The following CFAP20DC variants were observed in gnomAD, a reference collection of about 807,000 sequenced individuals.
The protein encoded by CFAP20DC is CFAP20 domain containing, also known as protein CFAP20DC.
CFAP20DC carries 84 observed loss-of-function variants against 101.7 expected under a neutral mutation model. The observed-to-expected ratio is 0.83, with a 90% CI of 0.69 to 0.99. The LOEUF (loss-of-function observed/expected upper bound fraction) is 0.99. CFAP20DC is among the 50% of genes least tolerant of loss of function. CFAP20DC has a pLI of 0.00. For synonymous variants in CFAP20DC, 359 were observed against 351.2 expected, an observed-to-expected ratio of 1.02 and a Z score of -0.25; for missense variants, 1,007 against 970.3, an observed-to-expected ratio of 1.04 and a Z score of -0.50.
Position 58,748,504 on chromosome 3 carries a change from G to T in CFAP20DC, c.2332+5265C>A, listed in dbSNP as rs536614614. On this transcript the variant is annotated intron_variant, in intron 16 of 16. Transcript: ENST00000482387. ...TACTAGTGAGGCACTGATTTCCCCC[G>T]TCTGTAATCACTTCCTGCAGAGAAG... Among the ~76,000 whole-genome samples, 6 of 152,170 alleles carry T rather than the reference G, an allele frequency of 3.9e-5. No homozygotes were observed. In the East Asian group the frequency reaches 1.2e-3, roughly 29 times the overall value.
chr3:58,837,436 G>A (rs2076813632), intron 13 of CFAP20DC, among the ~76,000 whole-genome samples: 1 of 152,164 alleles, frequency 6.6e-6, no homozygotes, highest in Admixed American at 6.5e-5. Flanking sequence ...ACCAAATGTG[G>A]GGATAATTAG....
intron 4 of CFAP20DC, among the ~76,000 whole-genome samples, chr3:58,994,199 T>C (rs2093035645): frequency 1.3e-5 from 2 of 152,188 alleles, no homozygotes; most frequent in African/African-American, 2.4e-5. Flanking sequence ...AACACATGTA[T>C]ACCTTGCAAG....
chr3:58,807,590 A>G (rs1002605264), intron 14 of CFAP20DC, among the ~76,000 whole-genome samples: 1 of 152,170 alleles, frequency 6.6e-6, no homozygotes, highest in Admixed American at 6.5e-5. Context: ...CAAAGACCAA[A>G]AGTAGATAAA....
intron 5 of CFAP20DC, among the ~76,000 whole-genome samples, chr3:58,923,291 C>T (rs778147675): frequency 3.3e-5 from 5 of 152,112 alleles, no homozygotes; most frequent in Non-Finnish European, 7.4e-5. Context: ...TTAGATTTAG[C>T]TATATATTTA....
rs528149428 is a variant in CFAP20DC at position 58,799,118 on chromosome 3, T to C, written c.2237+7277A>G. Among the ~76,000 whole-genome samples the C allele has an allele frequency of 1.3e-5, 2 of 152,198 alleles. No individual in the cohort carries two copies. Among genetic ancestry groups the C allele is most frequent in the Non-Finnish European group, 2.9e-5 (2 of 67,996 alleles). ...TGCATATAAATAATGGTTTTTTTTT[T>C]CTATTTGCTTACCCAGATTCTATTA... On this transcript the variant is annotated intron_variant, in intron 15 of 16. Coordinates refer to ENST00000482387, the MANE Select transcript of CFAP20DC (RefSeq NM_001394063.1). The surrounding 1 kb of genome is among the most constrained non-coding windows in gnomAD (Gnocchi z 4.9).
rs147493971 is a variant in CFAP20DC, at chr3:58,974,691, C to T, written c.279-36929G>A. Reference sequence around the variant, plus strand: ...TAGGCTGTACAGGGGATTGGGGCCTCGAATTCTGGGTTAAATGAAGGTTTC... The same window carrying T: ...TAGGCTGTACAGGGGATTGGGGCCTTGAATTCTGGGTTAAATGAAGGTTTC... On this transcript the variant is annotated intron_variant, in intron 4 of 16. Coordinates refer to ENST00000482387, the MANE Select transcript of CFAP20DC (RefSeq NM_001394063.1). 2.6e-4 allele frequency among the ~76,000 whole-genome samples: 40 copies of T among 152,104 alleles called. No individual in the cohort carries two copies. In the East Asian group the frequency reaches 3.3e-3, roughly 12 times the overall value.
intron 13 of CFAP20DC, among the ~76,000 whole-genome samples, chr3:58,847,552 C>T (rs1054255124): frequency 6.6e-6 from 1 of 152,048 alleles, no homozygotes; most frequent in Non-Finnish European, 1.5e-5. Flanking sequence ...AATAGGAACA[C>T]TTTTACACTG....
At chr3:58,744,842 G>A (rs1285744217) in intron 16 of CFAP20DC, among the ~76,000 whole-genome samples, 2 of 152,110 alleles carry the variant, frequency 1.3e-5, no homozygotes, top group Non-Finnish European at 2.9e-5. Context: ...CTCTGGAAAG[G>A]GTGAAGCAGA....
At chr3:58,923,162 C>G (rs2085571964) in intron 5 of CFAP20DC, among the ~76,000 whole-genome samples, 1 of 152,052 alleles carries the variant, frequency 6.6e-6, no homozygotes, top group Admixed American at 6.6e-5. Context: ...CCACCTCAGC[C>G]TCCCATAGTG....
intron 4 of CFAP20DC, among the ~76,000 whole-genome samples, chr3:59,019,654 A>G (rs1009993149): frequency 3.3e-5 from 5 of 152,126 alleles, no homozygotes; most frequent in Non-Finnish European, 7.4e-5. Context: ...CCTGACTGAT[A>G]TAACTACCTA....
chr3:58,776,570 T>C (rs532463413), intron 15 of CFAP20DC, among the ~76,000 whole-genome samples: 55 of 151,486 alleles, frequency 3.6e-4, no homozygotes, highest in African/African-American at 1.1e-3. Context: ...CTTTCAAAAT[T>C]TACTGTTCTT....
At chr3:58,946,821 T>C (rs1667369657) in intron 4 of CFAP20DC, among the ~76,000 whole-genome samples, 1 of 152,132 alleles carries the variant, frequency 6.6e-6, no homozygotes, top group Non-Finnish European at 1.5e-5. Context: ...AAGGATATAA[T>C]TATAAATAGT....
intron 14 of CFAP20DC, among the ~76,000 whole-genome samples, chr3:58,812,366 T>C (rs937783107): frequency 1.1e-4 from 17 of 152,128 alleles, no homozygotes; most frequent in Non-Finnish European, 2.2e-4. Context: ...CATGGAATAC[T>C]ATGCAGCCAT....
chr3:58,771,045 T>A (rs2070794195), intron 15 of CFAP20DC, among the ~76,000 whole-genome samples: 1 of 152,148 alleles, frequency 6.6e-6, no homozygotes, highest in Admixed American at 6.6e-5. Context: ...ATGTGGCACA[T>A]ATACACCATG....
At chr3:58,764,438 CCTTT>C (rs1327778148) in intron 15 of CFAP20DC, among the ~76,000 whole-genome samples, 4 of 152,106 alleles carry the variant, frequency 2.6e-5, no homozygotes, top group Admixed American at 6.6e-5. Flanking sequence ...ATCTGTCACC[CCTTT>C]CTTTGACTAG....
At position 59,049,879 on chromosome 3, in the gene CFAP20DC, A is replaced by G. The variant is rs1269304285; in HGVS notation, c.-248T>C. On this transcript the variant is annotated 5_prime_UTR_variant, in exon 1 of 17. Transcript: ENST00000482387. ...CGGTGCCCGGGTCTGGGGAGGGCGC[A>G]GCTGCCTGGACGGACTCCGGGCCGT... The G allele has an allele frequency of 1.0e-5, 6 of 576,944 alleles. No homozygotes were observed. Among genetic ancestry groups the G allele is most frequent in the Non-Finnish European group, 1.8e-5 (6 of 325,006 alleles). The allele number at this position is 576,944 out of a possible 1,614,324, so 35.7% of individuals were successfully genotyped here.
rs200994465 is a variant in CFAP20DC, at chr3:59,007,109, G to A, written c.278+32448C>T. Among the ~76,000 whole-genome samples, 22 of 152,272 alleles carry A rather than the reference G, an allele frequency of 1.4e-4. No individual in the cohort carries two copies. In the East Asian group the frequency reaches 3.5e-3, roughly 24 times the overall value. On this transcript the variant is annotated intron_variant, in intron 4 of 16. Coordinates refer to ENST00000482387, the MANE Select transcript of CFAP20DC (RefSeq NM_001394063.1). The surrounding 1 kb of genome is among the most constrained non-coding windows in gnomAD (Gnocchi z 4.4). Reference sequence around the variant, plus strand: ...TGGCAAACTATACTGCACAGCAGAGGTAGCCATACTTCCCTCTGGAACAAA... The same window carrying A: ...TGGCAAACTATACTGCACAGCAGAGATAGCCATACTTCCCTCTGGAACAAA...
At chr3:58,929,090 G>A (rs187479161) in intron 5 of CFAP20DC, among the ~76,000 whole-genome samples, 49 of 152,206 alleles carry the variant, frequency 3.2e-4, no homozygotes, top group Admixed American at 2.4e-3. Flanking sequence ...CTGTAAACAC[G>A]TAACACACAT....
intron 14 of CFAP20DC, among the ~76,000 whole-genome samples, chr3:58,816,987 C>T (rs1258619530): frequency 6.6e-6 from 1 of 152,172 alleles, no homozygotes; most frequent in South Asian, 2.1e-4. Flanking sequence ...TGGCCCCTGA[C>T]CCCCGAGCAG....
Sources: gnomAD v4.1 joint callset for allele counts (sites outside exome capture counted in the v4.1 genomes callset) on GRCh38, gnomAD v4.1.1 for gene constraint, Gnocchi (gnomAD v3.1) non-coding constraint, MANE v1.5 for transcripts, NCBI Gene and HGNC (gene_info 2026-07-23, HGNC 2026-07-21) for gene names.